Variants in NAA11 observed in about 807,000 individuals in gnomAD.
NAA11 encodes the protein N-alpha-acetyltransferase 11, NatA catalytic subunit.
A neutral mutation model predicts 16.1 loss-of-function variants in NAA11; 15 were observed. The observed-to-expected ratio is 0.93, with a 90% CI of 0.62 to 1.44. The LOEUF (loss-of-function observed/expected upper bound fraction) is 1.44. Among genes scored for constraint, NAA11 ranks in the 40% most tolerant of loss-of-function variants. The pLI is 0.00. For synonymous variants in NAA11, 122 were observed against 112.4 expected, an observed-to-expected ratio of 1.09 and a Z score of -0.54; for missense variants, 298 against 291.3, an observed-to-expected ratio of 1.02 and a Z score of -0.17.
chr4:79,289,931 G>A (rs574065735), intron 2 of NAA11, among the ~76,000 whole-genome samples: 1 of 152,298 alleles, frequency 6.6e-6, no homozygotes, highest in East Asian at 1.9e-4. Context: ...TGGGTTGGCA[G>A]AGGAGGTTCT....
At chr4:79,287,429 G>A (rs761575067) in intron 2 of NAA11, among the ~76,000 whole-genome samples, 9 of 151,808 alleles carry the variant, frequency 5.9e-5, no homozygotes, top group Non-Finnish European at 1.2e-4. Context: ...TTTCTCACTA[G>A]GCTAATACTT....
chr4:79,313,906 AACAAGACACT>A (rs1723854897), downstream of NAA11, among the ~76,000 whole-genome samples: 1 of 152,198 alleles, frequency 6.6e-6, no homozygotes, highest in Non-Finnish European at 1.5e-5. Flanking sequence ...TCTGGTTCCT[AACAAGACACT>A]GCAGAATTTG....
At chr4:79,202,498 ATT>A in the NAA11 span, among the ~76,000 whole-genome samples, 3 of 141,224 alleles carry the variant, frequency 2.1e-5, no homozygotes, top group South Asian at 6.8e-4. Flanking sequence ...AAGTCTTTTC[ATT>A]GGCCATAATG....
At chr4:79,164,948 A>C in the NAA11 span, among the ~76,000 whole-genome samples, 1 of 152,230 alleles carries the variant, frequency 6.6e-6, no homozygotes, top group Non-Finnish European at 1.5e-5. Context: ...ATTGTTTAGC[A>C]AAGCTTCATT....
chr4:79,212,370 T>G, the NAA11 span, among the ~76,000 whole-genome samples: 1 of 152,150 alleles, frequency 6.6e-6, no homozygotes, highest in Admixed American at 6.5e-5. Flanking sequence ...TTAAATCAGT[T>G]GTCGGCTTGA....
rs1280602030 is a variant in NAA11 at position 79,256,639 on chromosome 4, T to TATATAA, written c.*123-30375_*123-30370dup. 7.6e-5 allele frequency among the ~76,000 whole-genome samples: 6 copies of TATATAA among 79,312 alleles called. No individual in the cohort carries two copies. The East Asian group carries it at 1.6e-3, about 22-fold the overall frequency. 52.0% of individuals were successfully genotyped at this position (79,312 alleles called of 152,430 possible). A position where few individuals can be genotyped will look rare whatever the true frequency, so the allele number is the denominator to read the frequency against. On this transcript the variant is annotated intron_variant and NMD_transcript_variant, in intron 2 of 2. Coordinates refer to the NAA11 transcript ENST00000511542. ...TAACTCAATTAAAATGAACCATATA[T>TATATAA]ATATAAATATAAATATATATATATA...
chr4:79,298,677 C>T (rs1000691509), intron 1 of NAA11, among the ~76,000 whole-genome samples: 3 of 152,344 alleles, frequency 2.0e-5, no homozygotes, highest in South Asian at 2.1e-4. Flanking sequence ...CCATGCCTGA[C>T]TCGCCCTTGG....
At chr4:79,219,435 T>G in the NAA11 span, among the ~76,000 whole-genome samples, 1 of 152,198 alleles carries the variant, frequency 6.6e-6, no homozygotes, top group Admixed American at 6.6e-5. Context: ...TATTGGCTTA[T>G]AGAAAGCTGT....
intron 2 of NAA11, among the ~76,000 whole-genome samples, chr4:79,254,335 A>C (rs553991985): frequency 8.5e-5 from 13 of 152,348 alleles, no homozygotes; most frequent in African/African-American, 3.1e-4. Flanking sequence ...TTGCATCCTC[A>C]TGGCCAATAA....
At chr4:79,186,845 A>G in the NAA11 span, among the ~76,000 whole-genome samples, 1 of 152,194 alleles carries the variant, frequency 6.6e-6, no homozygotes, top group East Asian at 1.9e-4. Context: ...GTGAGGCTCC[A>G]AACCTCCACT....
chr4:79,201,077 T>C, the NAA11 span, among the ~76,000 whole-genome samples: 1 of 151,728 alleles, frequency 6.6e-6, no homozygotes, highest in Non-Finnish European at 1.5e-5. Context: ...AAATTTTTCC[T>C]TACGTTTCAT....
At chr4:79,320,843 G>A (rs963598649) in intron 1 of NAA11, among the ~76,000 whole-genome samples, 3 of 152,150 alleles carry the variant, frequency 2.0e-5, no homozygotes, top group African/African-American at 7.2e-5. Flanking sequence ...CCACAGGAGG[G>A]AGCACCACAA....
intron 1 of NAA11, among the ~76,000 whole-genome samples, chr4:79,318,265 A>G (rs1723986501): frequency 6.6e-6 from 1 of 152,220 alleles, no homozygotes; most frequent in East Asian, 1.9e-4. Flanking sequence ...TCTATAAGTC[A>G]TATTTTCTTT....
intron 2 of NAA11, among the ~76,000 whole-genome samples, chr4:79,255,587 A>T (rs1722090477): frequency 6.6e-6 from 1 of 152,194 alleles, no homozygotes; most frequent in Non-Finnish European, 1.5e-5. Flanking sequence ...AAACAATATT[A>T]ATCTTTTATT....
chr4:79,180,002 A>G, the NAA11 span, among the ~76,000 whole-genome samples: 1 of 152,080 alleles, frequency 6.6e-6, no homozygotes, highest in Admixed American at 6.5e-5. Flanking sequence ...TCTCATGAGA[A>G]CTCACTATCA....
chr4:79,311,031 G>C (rs1179624653), intron 1 of NAA11, among the ~76,000 whole-genome samples: 1 of 103,318 alleles, frequency 9.7e-6, no homozygotes, highest in Non-Finnish European at 2.0e-5. Flanking sequence ...CAGTGTGTAT[G>C]GTGTCCTGGA....
At chr4:79,187,798 C>G in the NAA11 span, among the ~76,000 whole-genome samples, 1 of 151,804 alleles carries the variant, frequency 6.6e-6, no homozygotes, top group Non-Finnish European at 1.5e-5. Flanking sequence ...AGATCGAGAC[C>G]ATCCTGGCTA....
chr4:79,302,230 T>G (rs1359751514), intron 1 of NAA11, among the ~76,000 whole-genome samples: 1 of 152,224 alleles, frequency 6.6e-6, no homozygotes, highest in Non-Finnish European at 1.5e-5. Context: ...ACTTTGTGAA[T>G]TTTCCTTCTC....
At chr4:79,196,685 C>T in the NAA11 span, among the ~76,000 whole-genome samples, 1 of 151,792 alleles carries the variant, frequency 6.6e-6, no homozygotes, top group Non-Finnish European at 1.5e-5. Context: ...TTCCATGGAA[C>T]TTGTGAATAT....
Sources: allele counts gnomAD v4.1 joint callset (sites outside exome capture counted in the v4.1 genomes callset), GRCh38; gene constraint gnomAD v4.1.1; transcripts MANE v1.5; gene names NCBI Gene and HGNC (gene_info 2026-07-23, HGNC 2026-07-21).